Variants in PEX14 observed in about 807,000 individuals in gnomAD.
PEX14 encodes peroxisomal membrane protein PEX14.
In PEX14, 15 loss-of-function variants were observed where a neutral mutation model predicts 49.5. That is an observed-to-expected ratio of 0.30 (90% CI 0.20 to 0.47). PEX14 has a LOEUF of 0.47. Ranked by LOEUF, PEX14 falls within the 20% of genes least tolerant of loss-of-function variation. The pLI is 1.00. For synonymous variants in PEX14, 210 were observed against 212.7 expected (o/e 0.99, Z 0.11); for missense variants, 398 against 494.8 (o/e 0.80, Z 1.86).
chr1:10,530,084 C>T (rs1357270477), intron 2 of PEX14, among the ~76,000 whole-genome samples: 1 of 152,172 alleles, frequency 6.6e-6, no homozygotes, highest in East Asian at 1.9e-4. Context: ...TTTCCCTTCT[C>T]CTTTCCTCCC....
intron 3 of PEX14, among the ~76,000 whole-genome samples, chr1:10,547,542 A>G (rs970485264): frequency 6.6e-6 from 1 of 152,196 alleles, no homozygotes; most frequent in African/African-American, 2.4e-5. Flanking sequence ...CTCTGTATGT[A>G]CTATGTTTTT....
intron 2 of PEX14, among the ~76,000 whole-genome samples, chr1:10,506,556 C>T (rs1310440390): frequency 2.6e-5 from 4 of 152,124 alleles, no homozygotes; most frequent in African/African-American, 7.2e-5. Flanking sequence ...GGATTACAGG[C>T]GTGAGCCACC....
chr1:10,545,436 C>T (rs893627449), intron 3 of PEX14, among the ~76,000 whole-genome samples: 1 of 152,194 alleles, frequency 6.6e-6, no homozygotes. Context: ...TACCATTTTA[C>T]ATTCTCACCA....
chr1:10,492,542 C>T (rs1003258890), intron 1 of PEX14, among the ~76,000 whole-genome samples: 1 of 152,190 alleles, frequency 6.6e-6, no homozygotes. Flanking sequence ...GCCTCAGTTT[C>T]CTCATCAGCA....
At chr1:10,566,521 T>C (rs1406202932) in intron 3 of PEX14, among the ~76,000 whole-genome samples, 4 of 151,664 alleles carry the variant, frequency 2.6e-5, no homozygotes, top group Non-Finnish European at 5.9e-5. Flanking sequence ...GGAATTTCAC[T>C]CTTGTTGCCC....
Position 10,529,707 on chromosome 1 carries a change from T to C in PEX14, c.85-6506T>C, listed in dbSNP as rs1638590007. 6.6e-6 allele frequency among the ~76,000 whole-genome samples: 1 copy of C among 152,256 alleles called. No homozygotes were observed. The highest frequency in any genetic ancestry group is 1.5e-5 in the Non-Finnish European group (1 of 68,048). On this transcript the variant is annotated intron_variant, in intron 2 of 8. Transcript: ENST00000356607. The surrounding 1 kb of genome is among the most constrained non-coding windows in gnomAD (Gnocchi z 4.2). ...AGACTAGGGTCAATAATGCATGCTT[T>C]AGAATTCCCTAAATACAGATTTACA... is the stretch of plus-strand genomic sequence containing the variant.
chr1:10,578,525 C>A (rs552386409), intron 3 of PEX14, among the ~76,000 whole-genome samples: 1 of 152,252 alleles, frequency 6.6e-6, no homozygotes, highest in South Asian at 2.1e-4. Flanking sequence ...TCACCTTCAA[C>A]ATCCAGTATA....
chr1:10,474,982 C>G lies in PEX14; in HGVS notation c.16C>G (p.Gln6Glu). The G allele has an allele frequency of 6.2e-7, 1 of 1,609,516 alleles. No homozygotes were observed. Among genetic ancestry groups the G allele is most frequent in the South Asian group, 1.1e-5 (1 of 90,172 alleles). MASSEQAEQPSQPSST... is the reference protein window; with the variant it reads MASSEEAEQPSQPSST... ...CCTCAGAAAGATGGCGTCCTCGGAGCAGGCAGAGCAGCCGAGCCAGGTAAG... is the reference window on the plus strand; with the variant it reads ...CCTCAGAAAGATGGCGTCCTCGGAGGAGGCAGAGCAGCCGAGCCAGGTAAG... Residue 6 changes from glutamine to glutamate, a missense_variant, in exon 1 of 9, where the codon CAG becomes GAG. Gln to Glu is a conservative substitution (Grantham distance 29). Around this residue, in one of 3 missense-constraint regions of PEX14, gnomAD observed 56 missense variants for 40.8 expected, o/e 1.37. Coordinates refer to ENST00000356607, the MANE Select transcript of PEX14 (RefSeq NM_004565.3).
chr1:10,565,326 A>G (rs150003692), intron 3 of PEX14, among the ~76,000 whole-genome samples: 4 of 152,312 alleles, frequency 2.6e-5, no homozygotes, highest in East Asian at 1.9e-4. Context: ...ACCTTGATCA[A>G]TCAGGATTTG....
intron 3 of PEX14, among the ~76,000 whole-genome samples, chr1:10,582,128 A>G (rs1489757626): frequency 6.6e-6 from 1 of 152,102 alleles, no homozygotes; most frequent in Admixed American, 6.6e-5. Flanking sequence ...CTCCAAGAAT[A>G]ATGTTAAATG....
rs536852230 is a variant in PEX14, at chr1:10,555,501, C to T, written c.169+19204C>T. 6.6e-5 allele frequency among the ~76,000 whole-genome samples: 10 copies of T among 152,244 alleles called. No homozygotes were observed. The East Asian group carries it at 1.9e-3, about 29-fold the overall frequency. ...TCTCATTACAGTAATTAAACCGCAG[C>T]GTTTAACCTATCAGAATGTGCTGCA... is the stretch of plus-strand genomic sequence containing the variant. On this transcript the variant is annotated intron_variant, in intron 3 of 8. Transcript: ENST00000356607.
At chr1:10,611,006 G>A (rs1641264495) in intron 4 of PEX14, among the ~76,000 whole-genome samples, 1 of 152,080 alleles carries the variant, frequency 6.6e-6, no homozygotes, top group Non-Finnish European at 1.5e-5. Flanking sequence ...CCAGCACTTT[G>A]GGATGTGAGT....
At position 10,629,058 on chromosome 1, in the gene PEX14, G is replaced by T. The variant is rs1175699331; in HGVS notation, c.678-473G>T. 6.6e-6 allele frequency among the ~76,000 whole-genome samples: 1 copy of T among 152,230 alleles called. No individual in the cohort carries two copies. Among genetic ancestry groups the T allele is most frequent in the African/African-American group, 2.4e-5 (1 of 41,458 alleles). ...GTCTGACCCCCTGCCAGTGGCCAGG[G>T]CTCCCTGCCTCCACCTTTTGCTCAG... On this transcript the variant is annotated intron_variant, in intron 8 of 8. Coordinates refer to ENST00000356607, the MANE Select transcript of PEX14 (RefSeq NM_004565.3). This position sits in a 1 kb window ranked among gnomAD's most constrained non-coding sequence, Gnocchi z 8.5.
Position 10,495,059 on chromosome 1 carries a change from C to G in PEX14, c.37-215C>G. ...TCTTGGAGTGGTGTGACAAGTGAAC[C>G]CAGAAACAGTCTTCATCTTCCCTGG... On this transcript the variant is annotated intron_variant, in intron 1 of 8. Transcript: ENST00000356607. The surrounding 1 kb of genome is among the most constrained non-coding windows in gnomAD (Gnocchi z 4.2). 1.0e-6 allele frequency: 1 copy of G among 978,612 alleles called. No homozygotes were observed. Among genetic ancestry groups the G allele is most frequent in the Non-Finnish European group, 1.2e-6 (1 of 823,802 alleles). The allele number at this position is 978,612 out of a possible 1,614,324, so 60.6% of individuals were successfully genotyped here. A position where few individuals can be genotyped will look rare whatever the true frequency, so the allele number is the denominator to read the frequency against.
chr1:10,554,608 G>C (rs948209556), intron 3 of PEX14, among the ~76,000 whole-genome samples: 1 of 152,212 alleles, frequency 6.6e-6, no homozygotes, highest in African/African-American at 2.4e-5. Context: ...GCAGCCTTCA[G>C]ATGCCCACAC....
At chr1:10,621,536 G>A (rs1409606050) in intron 5 of PEX14, among the ~76,000 whole-genome samples, 8 of 151,954 alleles carry the variant, frequency 5.3e-5, no homozygotes, top group Non-Finnish European at 1.2e-4. Flanking sequence ...TAGTAGAGAC[G>A]GAGTTTCACT....
At chr1:10,547,369 C>T (rs1398832312) in intron 3 of PEX14, among the ~76,000 whole-genome samples, 1 of 152,202 alleles carries the variant, frequency 6.6e-6, no homozygotes, top group Non-Finnish European at 1.5e-5. Flanking sequence ...CATGAGTGCA[C>T]CTAATTGGTG....
In PEX14 at chr1:10,558,715, C is replaced by T. The variant is rs566333166; in HGVS notation, c.169+22418C>T. Among the ~76,000 whole-genome samples the T allele has an allele frequency of 5.2e-5, 7 of 135,496 alleles. No individual in the cohort carries two copies. The South Asian group carries it at 6.9e-4, about 13-fold the overall frequency. The allele number at this position is 135,496 out of a possible 152,430, so 88.9% of individuals were successfully genotyped here. ...TTGCACCACTGCACTCCAGTCTGGG[C>T]GACAGAATGAGACCCTGTCTCAAAA... On this transcript the variant is annotated intron_variant, in intron 3 of 8. Coordinates refer to ENST00000356607, the MANE Select transcript of PEX14 (RefSeq NM_004565.3).
At chr1:10,607,833 A>G (rs928486272) in intron 4 of PEX14, among the ~76,000 whole-genome samples, 40 of 151,940 alleles carry the variant, frequency 2.6e-4, no homozygotes, top group African/African-American at 9.7e-4. Flanking sequence ...TTGCCTTTTT[A>G]TTTTCCTAAC....
Sources: allele counts gnomAD v4.1 joint callset (sites outside exome capture counted in the v4.1 genomes callset), GRCh38; gene constraint gnomAD v4.1.1; regional missense constraint gnomAD v4.1.1; non-coding constraint Gnocchi (gnomAD v3.1); transcripts MANE v1.5; gene names NCBI Gene and HGNC (gene_info 2026-07-23, HGNC 2026-07-21).